SPATA6L: variants seen among roughly 807,000 people sequenced by gnomAD.
SPATA6L encodes the protein spermatogenesis associated 6 like, also known as spermatogenesis associated 6-like protein.
Under a neutral mutation model 49.2 loss-of-function variants are expected in SPATA6L, and 68 were observed. That is an observed-to-expected ratio of 1.38 (90% CI 1.14 to 1.69). The LOEUF is 1.69. Among genes scored for constraint, SPATA6L ranks in the 40% most tolerant of loss-of-function variants. SPATA6L has a pLI of 0.00. For missense variants in SPATA6L, 668 were observed against 464.3 expected (o/e 1.44, Z -4.03); for synonymous variants, 198 against 165.7 (o/e 1.19, Z -1.50).
intron 3 of SPATA6L, among the ~76,000 whole-genome samples, chr9:4,652,608 G>T (rs919120858): frequency 6.6e-6 from 1 of 151,928 alleles, no homozygotes; most frequent in African/African-American, 2.4e-5. Context: ...CCAGCATTTT[G>T]GGAGTCCAAG....
intron 7 of SPATA6L, among the ~76,000 whole-genome samples, chr9:4,619,972 G>A (rs78600591): frequency 0.049 from 7,428 of 152,174 alleles, 278 homozygotes; most frequent in Middle Eastern, 0.088. Flanking sequence ...TGTGACCAGG[G>A]CTCAGGCAAT....
At chr9:4,624,979 T>C (rs189506786) in intron 6 of SPATA6L, among the ~76,000 whole-genome samples, 1 of 152,292 alleles carries the variant, frequency 6.6e-6, no homozygotes, top group East Asian at 1.9e-4. Flanking sequence ...TGATATAGAG[T>C]GTGTGCCAAC....
chr9:4,642,196 A>T (rs1444749099), intron 3 of SPATA6L, among the ~76,000 whole-genome samples: 1 of 152,224 alleles, frequency 6.6e-6, no homozygotes, highest in Non-Finnish European at 1.5e-5. Flanking sequence ...CTTTTTTAAA[A>T]TCCATGTAAA....
rs1840881253 is a variant in SPATA6L, at chr9:4,666,469, A to T, written c.-219T>A. On this transcript the variant is annotated 5_prime_UTR_variant, in exon 1 of 12. Coordinates refer to ENST00000682582, the MANE Select transcript of SPATA6L (RefSeq NM_001353486.2). ...TGGAGTGCAGGCTTCCAGAAGGCGG[A>T]AGCGTGGCGTTGCCAGGGACACTCA... 3 of 575,836 alleles carry T rather than the reference A, an allele frequency of 5.2e-6. No homozygotes were observed. In the East Asian group the frequency reaches 8.7e-5, roughly 17 times the overall value. The allele number at this position is 575,836 out of a possible 1,614,324, so 35.7% of individuals were successfully genotyped here. A position where few individuals can be genotyped will look rare whatever the true frequency, so the allele number is the denominator to read the frequency against.
chr9:4,666,468 G>C lies in SPATA6L; in HGVS notation c.-218C>G. On this transcript the variant is annotated 5_prime_UTR_variant, in exon 1 of 12. Transcript: ENST00000682582. ...CTGGAGTGCAGGCTTCCAGAAGGCG[G>C]AAGCGTGGCGTTGCCAGGGACACTC... 1 of 576,888 alleles carries C rather than the reference G, an allele frequency of 1.7e-6. No homozygotes were observed. Among genetic ancestry groups the C allele is most frequent in the East Asian group, 2.9e-5 (1 of 34,456 alleles). The allele number at this position is 576,888 out of a possible 1,614,324, so 35.7% of individuals were successfully genotyped here. A position where few individuals can be genotyped will look rare whatever the true frequency, so the allele number is the denominator to read the frequency against.
At chr9:4,656,177 A>G in intron 2 of SPATA6L, 88 bp from the exon 3 acceptor site, 1 of 1,103,434 alleles carries the variant, frequency 9.1e-7, no homozygotes, top group Admixed American at 2.0e-5. Context: ...AGTAGCTCAC[A>G]CCTGTAATCC....
chr9:4,625,097 T>C lies in SPATA6L; in HGVS notation c.669+230A>G, dbSNP rs1012486842. ...GTTAATAATTTTCAAAAATTAAAAA[T>C]AGGGATGGCTGACATTTACTGAGCA... On this transcript the variant is annotated intron_variant, in intron 6 of 11. Transcript: ENST00000682582. 1.5e-5 allele frequency: 9 copies of C among 619,090 alleles called. No homozygotes were observed. In the Admixed American group the frequency reaches 3.4e-4, roughly 24 times the overall value. The allele number at this position is 619,090 out of a possible 1,614,324, so 38.3% of individuals were successfully genotyped here. A position where few individuals can be genotyped will look rare whatever the true frequency, so the allele number is the denominator to read the frequency against.
intron 3 of SPATA6L, among the ~76,000 whole-genome samples, chr9:4,652,363 G>C (rs925953650): frequency 2.6e-5 from 4 of 151,808 alleles, no homozygotes; most frequent in Middle Eastern, 6.8e-3. Flanking sequence ...CAGAGATCTA[G>C]GCAACAAGAA....
In SPATA6L at chr9:4,648,678, C is replaced by T. The variant is rs565870236; in HGVS notation, c.226+7363G>A. Among the ~76,000 whole-genome samples, 1,004 of 118,666 alleles carry T rather than the reference C, an allele frequency of 8.5e-3. 20 individuals are homozygous for T. Among genetic ancestry groups the T allele is most frequent in the African/African-American group, 0.034 (945 of 27,526 alleles). The allele number at this position is 118,666 out of a possible 152,430, so 77.8% of individuals were successfully genotyped here. Reference sequence around the variant, plus strand: ...TTGCGCCACTGCACTCCAGCCTGGGCGACAGAGCGAGACCCCGTCTCGAAA... The same window carrying T: ...TTGCGCCACTGCACTCCAGCCTGGGTGACAGAGCGAGACCCCGTCTCGAAA... On this transcript the variant is annotated intron_variant, in intron 3 of 11. Coordinates refer to ENST00000682582, the MANE Select transcript of SPATA6L (RefSeq NM_001353486.2).
At chr9:4,647,811 A>T (rs1835751352) in intron 3 of SPATA6L, among the ~76,000 whole-genome samples, 1 of 150,456 alleles carries the variant, frequency 6.6e-6, no homozygotes, top group Non-Finnish European at 1.5e-5. Context: ...CTCACAAAAT[A>T]ACATAACAAG....
In SPATA6L at chr9:4,656,241, C is replaced by T. The variant is rs147535185; in HGVS notation, c.178-152G>A. On this transcript the variant is annotated intron_variant, in intron 2 of 11. Transcript: ENST00000682582. ...ATTGCTTAAGCTCAGGAGTTTCAGA[C>T]CAGCCTGGGCAACATGGTGAAACCC... is the stretch of plus-strand genomic sequence containing the variant. The T allele has an allele frequency of 9.7e-4, 581 of 601,298 alleles. 1 individual carries two copies. The highest frequency in any genetic ancestry group is 1.5e-3 in the Non-Finnish European group (520 of 343,920). 37.2% of individuals were successfully genotyped at this position (601,298 alleles called of 1,614,324 possible).
chr9:4,626,434 T>G (rs1830366131), intron 5 of SPATA6L: 1 of 1,304,162 alleles, frequency 7.7e-7, no homozygotes, highest in Admixed American at 2.3e-5. Context: ...ACCTTCGAAT[T>G]CCTGAAGAAG....
intron 2 of SPATA6L, among the ~76,000 whole-genome samples, chr9:4,661,109 T>C (rs935940756): frequency 1.3e-5 from 2 of 152,182 alleles, no homozygotes; most frequent in Non-Finnish European, 2.9e-5. Context: ...CAGCACGTTG[T>C]GCATATGTAC....
chr9:4,651,498 C>T (rs73393891), intron 3 of SPATA6L, among the ~76,000 whole-genome samples: 5,220 of 152,220 alleles, frequency 0.034, 281 homozygotes, highest in African/African-American at 0.12. Flanking sequence ...CAACAGATTC[C>T]ATGAAGTTAG....
intron 4 of SPATA6L, among the ~76,000 whole-genome samples, chr9:4,629,615 C>T (rs1432414496): frequency 6.6e-6 from 1 of 151,784 alleles, no homozygotes. Flanking sequence ...TACCTACCTG[C>T]TTTGAAAAAC....
intron 4 of SPATA6L, among the ~76,000 whole-genome samples, chr9:4,634,665 T>C (rs10815043): frequency 0.2 from 29,832 of 152,090 alleles, 4,048 homozygotes; most frequent in East Asian, 0.4. Flanking sequence ...ATTCAAGTGA[T>C]GGAAAAGTCA....
chr9:4,654,734 C>T (rs1050197183), intron 3 of SPATA6L, among the ~76,000 whole-genome samples: 1 of 152,148 alleles, frequency 6.6e-6, no homozygotes, highest in African/African-American at 2.4e-5. Context: ...AACTCCGTGT[C>T]GTTCTGCCAG....
chr9:4,605,304 A>G, intron 10 of SPATA6L, 43 bp downstream of exon 10: 1 of 1,473,096 alleles, frequency 6.8e-7, no homozygotes, highest in Non-Finnish European at 9.5e-7. Flanking sequence ...CTGTTCACAT[A>G]TTATTTAGTG....
intron 11 of SPATA6L, among the ~76,000 whole-genome samples, chr9:4,602,733 G>T (rs977410438): frequency 6.6e-6 from 1 of 152,198 alleles, no homozygotes; most frequent in South Asian, 2.1e-4. Context: ...GGATTTCCAT[G>T]TAAGATTACA....
Sources: gnomAD v4.1 joint callset for allele counts (sites outside exome capture counted in the v4.1 genomes callset) on GRCh38, gnomAD v4.1.1 for gene constraint, MANE v1.5 for transcripts, NCBI Gene and HGNC (gene_info 2026-07-23, HGNC 2026-07-21) for gene names.